AP3B2: variants seen among roughly 807,000 people sequenced by gnomAD.
The protein encoded by AP3B2 is adaptor related protein complex 3 subunit beta 2, also known as AP-3 complex subunit beta-2.
Under a neutral mutation model 126.9 loss-of-function variants are expected in AP3B2, and 50 were observed. That is an observed-to-expected ratio of 0.39 (90% confidence interval 0.31 to 0.50). The LOEUF (loss-of-function observed/expected upper bound fraction) is 0.50, where lower values mean the gene tolerates loss of function less well. AP3B2 is among the 20% of genes least tolerant of loss of function. The pLI is 0.79. For synonymous variants in AP3B2, 541 were observed against 565.0 expected (o/e 0.96, Z 0.60); for missense variants, 1,177 against 1,426.4 (o/e 0.83, Z 2.82).
At chr15:82,670,547 A>G (rs1472435489) in intron 14 of AP3B2, among the ~76,000 whole-genome samples, 1 of 152,266 alleles carries the variant, frequency 6.6e-6, no homozygotes, top group East Asian at 1.9e-4. Context: ...ATATGCAAAA[A>G]TCAAATCATA....
At chr15:82,672,103 T>G (rs921690649) in intron 14 of AP3B2, among the ~76,000 whole-genome samples, 1 of 152,194 alleles carries the variant, frequency 6.6e-6, no homozygotes, top group Non-Finnish European at 1.5e-5. Context: ...CCCAATGCTA[T>G]GTATATACCC....
chr15:82,682,603 C>G lies in AP3B2; in HGVS notation c.361-1023G>C, dbSNP rs562479713. On this transcript the variant is annotated intron_variant, in intron 4 of 26. Coordinates refer to ENST00000535359, the MANE Select transcript of AP3B2 (RefSeq NM_001278512.2). ...ATACAAGTTATGCTTATAGTTACAGCTGCTTGGGAAGCTGAAGTGGGAGAA... is the reference window on the plus strand; with the variant it reads ...ATACAAGTTATGCTTATAGTTACAGGTGCTTGGGAAGCTGAAGTGGGAGAA... Among the ~76,000 whole-genome samples the G allele has an allele frequency of 4.6e-5, 7 of 152,050 alleles. No homozygotes were observed. In the South Asian group the frequency reaches 1.5e-3, roughly 32 times the overall value.
At chr15:82,666,967 G>A in intron 14 of AP3B2, 34 bp from the exon 15 acceptor site, 1 of 1,588,992 alleles carries the variant, frequency 6.3e-7, no homozygotes, top group Non-Finnish European at 8.6e-7. Flanking sequence ...TCAGCTGACG[G>A]GGGGATGGGG....
chr15:82,695,286 G>C (rs755273575), intron 1 of AP3B2, among the ~76,000 whole-genome samples: 1 of 151,886 alleles, frequency 6.6e-6, no homozygotes, highest in Non-Finnish European at 1.5e-5. Context: ...TTTTAATAGA[G>C]ATGGGTTTCA....
In AP3B2 at chr15:82,666,768, CTG is replaced by C. The variant is rs2048066645; in HGVS notation, c.1829_1830del (p.Pro610ArgfsTer22). On this transcript the variant is annotated frameshift_variant, in exon 15 of 27. Coordinates refer to ENST00000535359, the MANE Select transcript of AP3B2 (RefSeq NM_001278512.2). LOFTEE classifies it high-confidence loss of function. Reference protein sequence around the residue: ...KKLFLAPKPAPVLESSFKDRD... With the variant: ...KKLFLAPKPAXVLESSFKDRD... ...CCACCTTTGAAGGATGACTCCAAGA[CTG>C]GAGCTGGTTTGGGTGCCAGGAAGAG... The C allele has an allele frequency of 1.2e-6, 2 of 1,613,806 alleles. No individual in the cohort carries two copies. Among genetic ancestry groups the C allele is most frequent in the Non-Finnish European group, 8.5e-7 (1 of 1,179,850 alleles).
At position 82,661,091 on chromosome 15, in the gene AP3B2, C is replaced by T. The variant is rs192168837; in HGVS notation, c.3016+734G>A. On this transcript the variant is annotated intron_variant, in intron 25 of 26. Coordinates refer to ENST00000535359, the MANE Select transcript of AP3B2 (RefSeq NM_001278512.2). Reference sequence around the variant, plus strand: ...CCTCCCACCTCTCCCTGTGCTCCTTCTCTTATCCCTCCCCTCCTCTTTCTT... The same window carrying T: ...CCTCCCACCTCTCCCTGTGCTCCTTTTCTTATCCCTCCCCTCCTCTTTCTT... Among the ~76,000 whole-genome samples, 37 of 152,316 alleles carry T rather than the reference C, an allele frequency of 2.4e-4. 1 individual carries two copies. Among genetic ancestry groups the T allele is most frequent in the Admixed American group, 9.2e-4 (14 of 15,300 alleles).
At position 82,688,762 on chromosome 15, in the gene AP3B2, T is replaced by C; in HGVS notation, c.334A>G (p.Ile112Val). 1 of 1,612,976 alleles carries C rather than the reference T, an allele frequency of 6.2e-7. No homozygotes were observed. The highest frequency in any genetic ancestry group is 8.5e-7 in the Non-Finnish European group (1 of 1,179,508). ...TTTAGGCCACGTTGGAAGGTGGAGATGGACAGCAGGGCCAGGTCTTGCTGC... is the reference window on the plus strand; with the variant it reads ...TTTAGGCCACGTTGGAAGGTGGAGACGGACAGCAGGGCCAGGTCTTGCTGC... ...EEQQDLALLS[I>V]STFQRGLKDP... is the part of the protein sequence containing the mutation. The change falls in exon 4 of 27, where the codon ATC becomes GTC. Residue 112 changes from isoleucine (I) to valine (V), a missense_variant. This residue lies in a region of AP3B2 where 130 missense variants were observed against 262.0 expected (regional missense o/e 0.50). Transcript: ENST00000535359.
chr15:82,665,236 G>A lies in AP3B2; in HGVS notation c.2028+11C>T, dbSNP rs777589082. The A allele has an allele frequency of 1.5e-4, 226 of 1,537,228 alleles. No homozygotes were observed. Among genetic ancestry groups the A allele is most frequent in the Non-Finnish European group, 1.9e-4 (220 of 1,147,088 alleles). On this transcript the variant is annotated intron_variant, in intron 17 of 26. Coordinates refer to ENST00000535359, the MANE Select transcript of AP3B2 (RefSeq NM_001278512.2). The surrounding 1 kb of genome is among the most constrained non-coding windows in gnomAD (Gnocchi z 4.4). ...GCAGGGGAGAGAGCACACGTCACAC[G>A]AAGGTGGGACCTCAGTGTATTCGCC...
chr15:82,671,108 C>T (rs530677121), intron 14 of AP3B2, among the ~76,000 whole-genome samples: 2 of 152,120 alleles, frequency 1.3e-5, no homozygotes, highest in South Asian at 4.1e-4. Context: ...CACAGCGAAA[C>T]CCCATCTTTA....
chr15:82,673,663 AAAAT>A (rs2048194855), intron 14 of AP3B2, among the ~76,000 whole-genome samples: 3 of 152,260 alleles, frequency 2.0e-5, no homozygotes, highest in South Asian at 2.1e-4. Flanking sequence ...ATAGGAATAA[AAAAT>A]AAGGAAATAT....
At chr15:82,663,043 A>AC (rs1402743622) in intron 22 of AP3B2, 84 bp downstream of exon 22, 10 of 1,483,576 alleles carry the variant, frequency 6.7e-6, no homozygotes, top group Middle Eastern at 2.4e-4. Flanking sequence ...CATCACACCC[A>AC]CCCCCCACAC....
chr15:82,659,913 A>C lies in AP3B2; in HGVS notation c.3087T>G (p.Ile1029Met). Residue 1029 changes from isoleucine to methionine, a missense_variant, in exon 26 of 27, where the codon ATT becomes ATG. Coordinates refer to ENST00000535359, the MANE Select transcript of AP3B2 (RefSeq NM_001278512.2). Reference sequence around the variant, plus strand: ...CAGTGGCAGTCACTTTCTGCACCACAATGTGGTCACTCCGACAGGTGTCTG... The same window carrying C: ...CAGTGGCAGTCACTTTCTGCACCACCATGTGGTCACTCCGACAGGTGTCTG... ...MLPDTCRSDHIVVQKVTATAN... is the reference protein window; with the variant it reads ...MLPDTCRSDHMVVQKVTATAN... The C allele has an allele frequency of 6.2e-7, 1 of 1,613,878 alleles. No homozygotes were observed. Among genetic ancestry groups the C allele is most frequent in the South Asian group, 1.1e-5 (1 of 91,080 alleles).
At chr15:82,677,933 C>A in intron 11 of AP3B2, 130 bp from the exon 12 acceptor site, 1 of 1,331,034 alleles carries the variant, frequency 7.5e-7, no homozygotes, top group Non-Finnish European at 1.0e-6. Flanking sequence ...GGTGACAACT[C>A]CACCCCCAAT....
chr15:82,664,905 T>C lies in AP3B2; in HGVS notation c.2067A>G (p.Arg689=). ...AGTAGAAGGGTTTTTCCTTCTCCTT[T>C]CTCTTCTCCCGATTTGAGCACTTGG... ...EWTKCSNREK[R]KEKEKPFYSD... The change falls in exon 18 of 27, where the codon AGA becomes AGG. Residue 689 remains arginine (R), a synonymous_variant. Transcript: ENST00000535359. This position sits in a 1 kb window ranked among gnomAD's most constrained non-coding sequence, Gnocchi z 4.5. 6.2e-7 allele frequency: 1 copy of C among 1,609,024 alleles called. No homozygotes were observed. Among genetic ancestry groups the C allele is most frequent in the South Asian group, 1.1e-5 (1 of 89,490 alleles).
rs1403163950 is a variant in AP3B2 at position 82,681,749 on chromosome 15, T to C, written c.361-169A>G. The C allele has an allele frequency of 2.6e-5, 19 of 744,950 alleles. No individual in the cohort carries two copies. The East Asian group carries it at 4.9e-4, about 19-fold the overall frequency. The allele number at this position is 744,950 out of a possible 1,614,324, so 46.1% of individuals were successfully genotyped here. A position where few individuals can be genotyped will look rare whatever the true frequency, so the allele number is the denominator to read the frequency against. ...TGATGGGTATCTGGGGGACACTTAA[T>C]TTTGGCTCTGGTTGCAGAAATCTGA... On this transcript the variant is annotated intron_variant, in intron 4 of 26. Coordinates refer to ENST00000535359, the MANE Select transcript of AP3B2 (RefSeq NM_001278512.2). This position sits in a 1 kb window ranked among gnomAD's most constrained non-coding sequence, Gnocchi z 4.0.
chr15:82,670,898 T>C (rs1053866961), intron 14 of AP3B2, among the ~76,000 whole-genome samples: 5 of 152,074 alleles, frequency 3.3e-5, no homozygotes, highest in Non-Finnish European at 7.4e-5. Flanking sequence ...AAGAGCTGAA[T>C]AGACATTTCT....
At position 82,665,298 on chromosome 15, in the gene AP3B2, T is replaced by A. The variant is rs1023982346; in HGVS notation, c.1977A>T (p.Glu659Asp). 1.9e-5 allele frequency: 29 copies of A among 1,561,318 alleles called. No individual in the cohort carries two copies. In the Admixed American group the frequency reaches 2.1e-4, roughly 11 times the overall value. Residue 659 changes from glutamate (E) to aspartate (D), a missense_variant, in exon 17 of 27, where the codon GAA becomes GAT. Physicochemically the swap from Glu to Asp is conservative, Grantham distance 45. Around this residue, in one of 5 missense-constraint regions of AP3B2, gnomAD observed 587 missense variants for 571.3 expected, o/e 1.03. Coordinates refer to ENST00000535359, the MANE Select transcript of AP3B2 (RefSeq NM_001278512.2). The surrounding 1 kb of genome is among the most constrained non-coding windows in gnomAD (Gnocchi z 4.4). ...CGTGAGTCTCAATAAGGGAGAGATC[T>A]TCTTCCTGTGTGTGTGGGGGAGGGT... ...PDPSVRNVEE[E>D]DLSLIETHVG...
Position 82,677,400 on chromosome 15 carries a change from A to G in AP3B2, c.1379-17T>C, listed in dbSNP as rs771511091. The stretch of plus-strand genomic sequence containing the variant: ...CCACAAGCTCTACAGAACAAAAATG[A>G]GTGTGTGGACCCCAAGACAGTCAGA... On this transcript the variant is annotated splice_polypyrimidine_tract_variant and intron_variant, in intron 12 of 26. Coordinates refer to ENST00000535359, the MANE Select transcript of AP3B2 (RefSeq NM_001278512.2). 1 of 1,608,462 alleles carries G rather than the reference A, an allele frequency of 6.2e-7. No homozygotes were observed. The highest frequency in any genetic ancestry group is 2.2e-5 in the East Asian group (1 of 44,846).
In AP3B2 at chr15:82,661,991, T is replaced by G. The variant is rs1020399262; in HGVS notation, c.2919-69A>C. 91 of 1,457,022 alleles carry G rather than the reference T, an allele frequency of 6.2e-5. No individual in the cohort carries two copies. The African/African-American group carries it at 9.5e-4, about 15-fold the overall frequency. The allele number at this position is 1,457,022 out of a possible 1,614,324, so 90.3% of individuals were successfully genotyped here. Reference sequence around the variant, plus strand: ...CTCTCCCCTCACTTCCCACCCTGTGTAGAGGCACAGCTTGGAGGCAGTGAA... The same window carrying G: ...CTCTCCCCTCACTTCCCACCCTGTGGAGAGGCACAGCTTGGAGGCAGTGAA... On this transcript the variant is annotated intron_variant, in intron 24 of 26. Coordinates refer to ENST00000535359, the MANE Select transcript of AP3B2 (RefSeq NM_001278512.2).
Sources: gnomAD v4.1 joint callset for allele counts (sites outside exome capture counted in the v4.1 genomes callset) on GRCh38, gnomAD v4.1.1 for gene constraint, gnomAD v4.1.1 regional missense constraint, Gnocchi (gnomAD v3.1) non-coding constraint, MANE v1.5 for transcripts, NCBI Gene and HGNC (gene_info 2026-07-23, HGNC 2026-07-21) for gene names.